The following EFCAB5 variants were observed in gnomAD, a reference collection of about 807,000 sequenced individuals.
EFCAB5 encodes EF-hand calcium binding domain 5.
Under a neutral mutation model 167.9 loss-of-function variants are expected in EFCAB5, and 131 were observed. That is an observed-to-expected ratio of 0.78 (90% confidence interval 0.68 to 0.90). The LOEUF is 0.90. EFCAB5 is among the 40% of genes least tolerant of loss of function. EFCAB5 has a pLI of 0.00. For synonymous variants in EFCAB5, 574 were observed against 602.8 expected (o/e 0.95, Z 0.70); for missense variants, 1,663 against 1,745.2 (o/e 0.95, Z 0.84).
At chr17:29,963,154 C>T (rs932676574) in intron 3 of EFCAB5, among the ~76,000 whole-genome samples, 1 of 151,870 alleles carries the variant, frequency 6.6e-6, no homozygotes, top group Non-Finnish European at 1.5e-5. Context: ...GTTACCCAGG[C>T]TGGTCTTGAA....
chr17:29,938,661 T>C (rs1018228135), upstream of EFCAB5, among the ~76,000 whole-genome samples: 4 of 152,256 alleles, frequency 2.6e-5, no homozygotes, highest in African/African-American at 9.6e-5. Flanking sequence ...TCACAGTGTC[T>C]TCACCAGGAG....
At chr17:30,047,335 TA>T (rs1324095320) in intron 8 of EFCAB5, among the ~76,000 whole-genome samples, 1 of 152,096 alleles carries the variant, frequency 6.6e-6, no homozygotes, top group Non-Finnish European at 1.5e-5. Flanking sequence ...GAGAAATAAC[TA>T]AAGAAATTAA....
intron 7 of EFCAB5, among the ~76,000 whole-genome samples, chr17:30,020,411 C>T (rs942157530): frequency 2.7e-5 from 4 of 146,242 alleles, no homozygotes; most frequent in African/African-American, 7.6e-5. Context: ...GTTGCCCAGG[C>T]TTGAATGCAA....
At chr17:30,073,122 T>C (rs1398975206) in intron 14 of EFCAB5, 7 of 697,448 alleles carry the variant, frequency 1.0e-5, no homozygotes, top group Non-Finnish European at 1.6e-5. Context: ...GTGGCGCAAC[T>C]GTAGCTCACT....
intron 14 of EFCAB5, chr17:30,069,207 C>G: frequency 6.5e-7 from 1 of 1,544,546 alleles, no homozygotes; most frequent in African/African-American, 1.4e-5. Context: ...CTTCAAAAGA[C>G]TGAAGAAAAC....
chr17:29,966,841 G>GT (rs145774255), intron 3 of EFCAB5, among the ~76,000 whole-genome samples: 5,185 of 148,132 alleles, frequency 0.035, 128 homozygotes, highest in Middle Eastern at 0.062. Flanking sequence ...ATTTACTATA[G>GT]TTTTTTTTTT....
At chr17:30,094,595 T>C (rs2071262102) in intron 22 of EFCAB5, among the ~76,000 whole-genome samples, 1 of 150,438 alleles carries the variant, frequency 6.6e-6, no homozygotes, top group Admixed American at 6.6e-5. Flanking sequence ...AGGTGGGAGA[T>C]CACTTGAGCC....
rs35019863 is a variant in EFCAB5, at chr17:30,070,949, CAAAAAAAAAAAAAAAA to C, written c.2738-7252_2738-7237del. On this transcript the variant is annotated intron_variant, in intron 14 of 22. Coordinates refer to ENST00000394835, the MANE Select transcript of EFCAB5 (RefSeq NM_198529.4). The stretch of plus-strand genomic sequence containing the variant: ...TGGGTGACAGAGCGAGATTCCATCT[CAAAAAAAAAAAAAAAA>C]AAAAAAAAAAAAATTCAATTTAAAA... Among the ~76,000 whole-genome samples, 26 of 60,190 alleles carry C rather than the reference CAAAAAAAAAAAAAAAA, an allele frequency of 4.3e-4. 1 individual carries two copies. The Admixed American group carries it at 6.1e-3, about 14-fold the overall frequency. 39.5% of individuals were successfully genotyped at this position (60,190 alleles called of 152,430 possible). A position where few individuals can be genotyped will look rare whatever the true frequency, so the allele number is the denominator to read the frequency against.
At chr17:29,937,903 A>G (rs190688889), upstream of EFCAB5, among the ~76,000 whole-genome samples, 158 of 152,324 alleles carry the variant, frequency 1.0e-3, no homozygotes, top group Non-Finnish European at 1.9e-3. Flanking sequence ...GATATCTCTG[A>G]AAAACCTGGA....
intron 1 of EFCAB5, among the ~76,000 whole-genome samples, chr17:29,933,615 T>C (rs566893962): frequency 6.6e-6 from 1 of 152,336 alleles, no homozygotes; most frequent in South Asian, 2.1e-4. Context: ...CCACCTGCGA[T>C]GCTGGAGGCC....
chr17:30,021,903 G>A (rs1045870607), intron 7 of EFCAB5, among the ~76,000 whole-genome samples: 10 of 152,120 alleles, frequency 6.6e-5, no homozygotes, highest in African/African-American at 2.4e-4. Flanking sequence ...CCGCCTAGTG[G>A]AGATACTATG....
intron 6 of EFCAB5, 116 bp downstream of exon 6, chr17:29,996,476 CAATTAG>C: frequency 1.2e-6 from 1 of 826,918 alleles, no homozygotes; most frequent in Non-Finnish European, 1.9e-6. Flanking sequence ...CTTGCAGGGG[CAATTAG>C]GCTCTTCCAT....
At chr17:29,953,806 A>G (rs1042369647) in intron 3 of EFCAB5, among the ~76,000 whole-genome samples, 1 of 152,218 alleles carries the variant, frequency 6.6e-6, no homozygotes, top group Admixed American at 6.5e-5. Flanking sequence ...GAAGTCAGAA[A>G]GTTGTGGGAA....
chr17:30,044,038 G>A (rs1163209959), intron 8 of EFCAB5, among the ~76,000 whole-genome samples: 1 of 152,060 alleles, frequency 6.6e-6, no homozygotes, highest in Non-Finnish European at 1.5e-5. Flanking sequence ...TATATTTAAT[G>A]ACAAAAGACT....
chr17:29,960,316 T>C (rs1567679094), intron 3 of EFCAB5, among the ~76,000 whole-genome samples: 1 of 152,198 alleles, frequency 6.6e-6, no homozygotes, highest in Non-Finnish European at 1.5e-5. Context: ...GATTTTTGGT[T>C]CTTATGAAGG....
chr17:30,094,701 AG>A (rs1361182667), intron 22 of EFCAB5, among the ~76,000 whole-genome samples: 2 of 152,132 alleles, frequency 1.3e-5, no homozygotes, highest in African/African-American at 4.8e-5. Flanking sequence ...AACAACAAAA[AG>A]GAGATACTTT....
chr17:30,079,381 G>A (rs1705296177), intron 15 of EFCAB5, among the ~76,000 whole-genome samples: 1 of 152,212 alleles, frequency 6.6e-6, no homozygotes, highest in African/African-American at 2.4e-5. Flanking sequence ...GGCATGGAAA[G>A]CAAACCCAAA....
chr17:30,087,629 C>A (rs1043965436), intron 19 of EFCAB5, among the ~76,000 whole-genome samples: 2 of 152,132 alleles, frequency 1.3e-5, no homozygotes, highest in Non-Finnish European at 2.9e-5. Context: ...TCTCATTCCT[C>A]TTTATGGCTG....
At chr17:30,001,854 G>T (rs1358705255) in intron 7 of EFCAB5, among the ~76,000 whole-genome samples, 2 of 152,026 alleles carry the variant, frequency 1.3e-5, no homozygotes, top group Admixed American at 6.6e-5. Flanking sequence ...GCACTTTCTT[G>T]TGTAATCGTC....
Sources: gnomAD v4.1 joint callset for allele counts (sites outside exome capture counted in the v4.1 genomes callset) on GRCh38, gnomAD v4.1.1 for gene constraint, MANE v1.5 for transcripts, NCBI Gene and HGNC (gene_info 2026-07-23, HGNC 2026-07-21) for gene names.